The following TTC17 variants were observed in gnomAD, a reference collection of about 807,000 sequenced individuals.
TTC17 encodes tetratricopeptide repeat domain 17.
Under a neutral mutation model 143.8 loss-of-function variants are expected in TTC17, and 58 were observed. The observed-to-expected ratio is 0.40, with a 90% CI of 0.33 to 0.50. TTC17 has a LOEUF of 0.50. Ranked by LOEUF, TTC17 falls within the 20% of genes least tolerant of loss-of-function variation. The probability of loss-of-function intolerance (pLI) is 0.49; values close to 1 mark genes in which losing one functional copy is unlikely to be tolerated. For synonymous variants in TTC17, 501 were observed against 497.8 expected (o/e 1.01, Z -0.09); for missense variants, 1,273 against 1,392.5 (o/e 0.91, Z 1.37).
At chr11:43,379,668 T>C (rs1009963592) in intron 2 of TTC17, among the ~76,000 whole-genome samples, 9 of 152,198 alleles carry the variant, frequency 5.9e-5, no homozygotes, top group Admixed American at 1.3e-4. Flanking sequence ...ATAATCTGGA[T>C]AAAATATGAA....
At chr11:43,447,813 A>T (rs1947576604) in intron 18 of TTC17, 189 bp from the exon 19 acceptor site, 4 of 591,528 alleles carry the variant, frequency 6.8e-6, no homozygotes, top group Non-Finnish European at 1.1e-5. Flanking sequence ...TTACTCAGAG[A>T]TGATCTTTAG....
At chr11:43,400,346 T>C (rs1246290457) in intron 9 of TTC17, among the ~76,000 whole-genome samples, 1 of 152,206 alleles carries the variant, frequency 6.6e-6, no homozygotes, top group Non-Finnish European at 1.5e-5. Context: ...TACCCTAATA[T>C]GCATATCAGT....
chr11:43,409,718 C>T (rs562468912), intron 15 of TTC17, among the ~76,000 whole-genome samples: 180 of 152,312 alleles, frequency 1.2e-3, no homozygotes, highest in Non-Finnish European at 2.3e-3. Flanking sequence ...ATACTCTAGT[C>T]GTGTTATACT....
chr11:43,494,672 T>C lies in TTC17; in HGVS notation c.*768T>C, dbSNP rs1413640030. 1 of 152,166 alleles carries C rather than the reference T, an allele frequency of 6.6e-6. No individual in the cohort carries two copies. The allele number at this position is 152,166 out of a possible 1,614,324, so 9.4% of individuals were successfully genotyped here. On this transcript the variant is annotated 3_prime_UTR_variant, in exon 24 of 24. Transcript: ENST00000039989. Reference sequence around the variant, plus strand: ...CAGGTTTATATATATAGAATATGTATATTTGAAGCCCTCTACAGACTGAGT... The same window carrying C: ...CAGGTTTATATATATAGAATATGTACATTTGAAGCCCTCTACAGACTGAGT...
At chr11:43,371,580 C>A (rs1035820011) in intron 1 of TTC17, among the ~76,000 whole-genome samples, 1 of 152,180 alleles carries the variant, frequency 6.6e-6, no homozygotes, top group African/African-American at 2.4e-5. Context: ...GAACCCAGTC[C>A]TTTTGGGGTT....
chr11:43,438,653 T>C (rs1043562102), intron 16 of TTC17, among the ~76,000 whole-genome samples: 9 of 152,232 alleles, frequency 5.9e-5, no homozygotes, highest in African/African-American at 2.2e-4. Context: ...ATGTTGTCGG[T>C]CAGATTTTGT....
intron 2 of TTC17, among the ~76,000 whole-genome samples, chr11:43,386,676 A>T (rs1457982158): frequency 6.6e-6 from 1 of 152,226 alleles, no homozygotes; most frequent in African/African-American, 2.4e-5. Flanking sequence ...ATAAGCTACA[A>T]ACTAAAAGCT....
At chr11:43,403,930 G>T in intron 10 of TTC17, 68 bp from the exon 11 acceptor site, 2 of 1,377,682 alleles carry the variant, frequency 1.5e-6, no homozygotes, top group Non-Finnish European at 2.0e-6. Context: ...TTTTTGGTGT[G>T]AGTTAAATTA....
chr11:43,471,009 G>A (rs1000185844), intron 21 of TTC17, among the ~76,000 whole-genome samples: 1 of 152,162 alleles, frequency 6.6e-6, no homozygotes, highest in African/African-American at 2.4e-5. Context: ...TGTCTCCTTA[G>A]GGAGTTTTTG....
At chr11:43,362,706 A>C (rs2134427520) in intron 1 of TTC17, among the ~76,000 whole-genome samples, 1 of 152,172 alleles carries the variant, frequency 6.6e-6, no homozygotes, top group Middle Eastern at 3.4e-3. Context: ...TGATCTTCCT[A>C]CCTCAGCCTC....
chr11:43,407,229 T>G lies in TTC17; in HGVS notation c.1839+14T>G, dbSNP rs981799061. ...GCTATTAATAAGGTGAGTCATTTAC[T>G]TTAGACATCTAAAACTTAAATGCTT... On this transcript the variant is annotated intron_variant, in intron 14 of 23. Transcript: ENST00000039989. The G allele has an allele frequency of 2.5e-6, 4 of 1,572,718 alleles. No homozygotes were observed. The highest frequency in any genetic ancestry group is 3.5e-6 in the Non-Finnish European group (4 of 1,159,004).
At chr11:43,412,043 T>C (rs904847176) in intron 15 of TTC17, among the ~76,000 whole-genome samples, 1 of 152,202 alleles carries the variant, frequency 6.6e-6, no homozygotes, top group Non-Finnish European at 1.5e-5. Context: ...TTAAAACATA[T>C]GGTTTGCACA....
intron 21 of TTC17, among the ~76,000 whole-genome samples, chr11:43,477,458 A>G (rs923833256): frequency 1.3e-5 from 2 of 152,232 alleles, no homozygotes; most frequent in Non-Finnish European, 2.9e-5. Context: ...AAAAAGGTTT[A>G]ATTGGTCTTA....
intron 2 of TTC17, among the ~76,000 whole-genome samples, chr11:43,382,728 C>T (rs973942569): frequency 1.3e-5 from 2 of 152,004 alleles, no homozygotes; most frequent in African/African-American, 4.8e-5. Flanking sequence ...AAGTCCATGA[C>T]ACAAAAAGAT....
At chr11:43,471,162 G>C (rs1198464612) in intron 21 of TTC17, among the ~76,000 whole-genome samples, 1 of 152,180 alleles carries the variant, frequency 6.6e-6, no homozygotes, top group Admixed American at 6.5e-5. Flanking sequence ...GGCTCCACCG[G>C]TGGCCCTAGA....
chr11:43,399,360 A>G (rs932423806), intron 8 of TTC17, among the ~76,000 whole-genome samples: 1 of 152,210 alleles, frequency 6.6e-6, no homozygotes, highest in African/African-American at 2.4e-5. Flanking sequence ...GCAATATACC[A>G]TTTGATGTCA....
At chr11:43,446,597 T>C (rs187353072) in intron 18 of TTC17, 5 of 879,946 alleles carry the variant, frequency 5.7e-6, no homozygotes, top group African/African-American at 5.4e-5. Context: ...CAGAGTTAAT[T>C]TGAAACTCTT....
intron 15 of TTC17, among the ~76,000 whole-genome samples, chr11:43,407,904 C>A (rs1260962720): frequency 1.3e-5 from 2 of 151,388 alleles, no homozygotes; most frequent in Non-Finnish European, 2.9e-5. Flanking sequence ...TCCTACTCAT[C>A]ACAGCATGCA....
At chr11:43,386,508 C>A (rs1857174936) in intron 2 of TTC17, among the ~76,000 whole-genome samples, 1 of 152,136 alleles carries the variant, frequency 6.6e-6, no homozygotes, top group Admixed American at 6.5e-5. Context: ...CCAAAAACAT[C>A]TTTATGTGGT....
Sources: gnomAD v4.1 joint callset for allele counts (sites outside exome capture counted in the v4.1 genomes callset) on GRCh38, gnomAD v4.1.1 for gene constraint, MANE v1.5 for transcripts, NCBI Gene and HGNC (gene_info 2026-07-23, HGNC 2026-07-21) for gene names.